GPR139: variants seen among roughly 807,000 people sequenced by gnomAD.
The protein encoded by GPR139 is probable G protein-coupled receptor 139.
GPR139 carries 12 observed loss-of-function variants against 25.8 expected under a neutral mutation model. That is an observed-to-expected ratio of 0.47 (90% confidence interval 0.30 to 0.75). The LOEUF (loss-of-function observed/expected upper bound fraction) is 0.75. GPR139 is among the 30% of genes least tolerant of loss of function. The pLI, the probability that GPR139 is intolerant of heterozygous loss-of-function variation, is 0.07. For synonymous variants in GPR139, 184 were observed against 179.9 expected (o/e 1.02, Z -0.18); for missense variants, 380 against 450.2 (o/e 0.84, Z 1.41).
intron 1 of GPR139, among the ~76,000 whole-genome samples, chr16:20,060,048 C>T (rs776300691): frequency 3.9e-5 from 6 of 152,166 alleles, no homozygotes; most frequent in Non-Finnish European, 8.8e-5. Context: ...ATGACTCCAA[C>T]CCTCTTGTGC....
chr16:20,050,096 TAGATACTCAG>T (rs1452362720), intron 1 of GPR139, among the ~76,000 whole-genome samples: 4 of 152,260 alleles, frequency 2.6e-5, no homozygotes, highest in Middle Eastern at 3.4e-3. Flanking sequence ...AGAAGCCAGA[TAGATACTCAG>T]AGAGAAGCTC....
chr16:20,069,677 G>A (rs1165359286), intron 1 of GPR139, among the ~76,000 whole-genome samples: 4 of 152,128 alleles, frequency 2.6e-5, no homozygotes, highest in African/African-American at 9.7e-5. Context: ...TTGTCTTTCT[G>A]CACATCCCCG....
At chr16:20,035,948 T>C (rs1342761365) in intron 1 of GPR139, among the ~76,000 whole-genome samples, 1 of 152,226 alleles carries the variant, frequency 6.6e-6, no homozygotes, top group African/African-American at 2.4e-5. Flanking sequence ...CAAAAAGTAT[T>C]TAGCATCTAC....
At chr16:20,067,705 G>A (rs1202187272) in intron 1 of GPR139, among the ~76,000 whole-genome samples, 1 of 151,326 alleles carries the variant, frequency 6.6e-6, no homozygotes, top group Non-Finnish European at 1.5e-5. Context: ...TTGGGAGGCT[G>A]AGGAAGAAGA....
At chr16:20,065,877 CA>C (rs11307746) in intron 1 of GPR139, among the ~76,000 whole-genome samples, 45,721 of 118,620 alleles carry the variant, frequency 0.39, 7,832 homozygotes, top group African/African-American at 0.5. Context: ...GAGACTATCT[CA>C]AAAAAAAAAA....
chr16:20,061,313 G>A (rs548727036), intron 1 of GPR139, among the ~76,000 whole-genome samples: 2 of 151,860 alleles, frequency 1.3e-5, no homozygotes, highest in South Asian at 4.2e-4. Context: ...ACATATGGAT[G>A]GATAGATGCG....
chr16:20,034,299 T>A (rs1187686392), intron 1 of GPR139, among the ~76,000 whole-genome samples: 6 of 152,182 alleles, frequency 3.9e-5, no homozygotes, highest in African/African-American at 1.4e-4. Flanking sequence ...TAAAAATTCT[T>A]ATAATAAACA....
intron 1 of GPR139, among the ~76,000 whole-genome samples, chr16:20,040,654 C>T (rs866966123): frequency 6.6e-6 from 1 of 152,142 alleles, no homozygotes; most frequent in Non-Finnish European, 1.5e-5. Flanking sequence ...ACTTTTCTTC[C>T]GTCTTTCCCT....
chr16:20,060,390 A>G (rs559239601), intron 1 of GPR139, among the ~76,000 whole-genome samples: 2 of 149,756 alleles, frequency 1.3e-5, no homozygotes, highest in African/African-American at 2.5e-5. Context: ...GTGTGTCTAT[A>G]TGTGTGTGTG....
At position 20,073,883 on chromosome 16, in the gene GPR139, C is replaced by G. The variant is rs1478599900; in HGVS notation, c.-267G>C. 1 of 406,784 alleles carries G rather than the reference C, an allele frequency of 2.5e-6. No individual in the cohort carries two copies. The highest frequency in any genetic ancestry group is 4.9e-5 in the Admixed American group (1 of 20,558). The allele number at this position is 406,784 out of a possible 1,614,324, so 25.2% of individuals were successfully genotyped here. ...GGGCCTCGGGAGGGGCTCCCGGAGC[C>G]CGTCTGTGCGCCTCCCACCTCGGAC... On this transcript the variant is annotated 5_prime_UTR_variant, in exon 1 of 2. Transcript: ENST00000570682. The surrounding 1 kb of genome is among the most constrained non-coding windows in gnomAD (Gnocchi z 4.7).
rs558393596 is a variant in GPR139 at position 20,057,511 on chromosome 16, TC to T, written c.127+15978del. On this transcript the variant is annotated intron_variant, in intron 1 of 1. Coordinates refer to ENST00000570682, the MANE Select transcript of GPR139 (RefSeq NM_001002911.4). The stretch of plus-strand genomic sequence containing the variant: ...GGTAGTCATCTATCCATCTATACCA[TC>T]CATCCATCCATCCATCCATCCGTCC... Among the ~76,000 whole-genome samples, 299 of 151,498 alleles carry T rather than the reference TC, an allele frequency of 2.0e-3. 3 individuals are homozygous for T. Among genetic ancestry groups the T allele is most frequent in the African/African-American group, 7.0e-3 (287 of 41,192 alleles).
At chr16:20,041,387 C>A (rs1003378231) in intron 1 of GPR139, among the ~76,000 whole-genome samples, 3 of 151,522 alleles carry the variant, frequency 2.0e-5, no homozygotes, top group African/African-American at 7.3e-5. Flanking sequence ...CTGGGAGGTG[C>A]TCCAAGGATG....
At chr16:20,041,123 AAGGAAAGGAGAGGAG>A in intron 1 of GPR139, among the ~76,000 whole-genome samples, 1 of 14,336 alleles carries the variant, frequency 7.0e-5, no homozygotes, top group Non-Finnish European at 2.3e-4. Context: ...AAGGAAAGGA[AAGGAAAGGAGAGGAG>A]AGGAGAGGAG....
intron 1 of GPR139, among the ~76,000 whole-genome samples, chr16:20,063,830 A>G (rs947568522): frequency 3.3e-5 from 5 of 152,188 alleles, no homozygotes; most frequent in African/African-American, 1.2e-4. Context: ...AGACTCTGCT[A>G]TTCTGTATTA....
chr16:20,037,541 T>C (rs2057314446), intron 1 of GPR139, among the ~76,000 whole-genome samples: 1 of 151,954 alleles, frequency 6.6e-6, no homozygotes, highest in Admixed American at 6.6e-5. Flanking sequence ...GGCAGTGGGA[T>C]TGGCAAGTGC....
intron 1 of GPR139, among the ~76,000 whole-genome samples, chr16:20,060,239 GGTGT>G (rs139651154): frequency 4.0e-5 from 6 of 150,642 alleles, no homozygotes; most frequent in Non-Finnish European, 7.4e-5. Flanking sequence ...TTGGCTGCAG[GGTGT>G]GTGTGTGTGT....
Position 20,032,395 on chromosome 16 carries a change from G to C in GPR139, c.402C>G (p.Leu134=), listed in dbSNP as rs1165448572. The C allele has an allele frequency of 6.8e-6, 11 of 1,614,110 alleles. No individual in the cohort carries two copies. The highest frequency in any genetic ancestry group is 1.3e-5 in the African/African-American group (1 of 74,924). The change falls in exon 2 of 2, where the codon CTC becomes CTG. Residue 134 remains leucine, a synonymous_variant. Coordinates refer to ENST00000570682, the MANE Select transcript of GPR139 (RefSeq NM_001002911.4). ...IDRYIAVCHP[L]KYHTVSYPAR... ...CTGGGTATGAGACCGTGTGGTACTT[G>C]AGCGGGTGGCAGACAGCGATATACC...
intron 1 of GPR139, among the ~76,000 whole-genome samples, chr16:20,068,383 A>G (rs2057444660): frequency 6.6e-6 from 1 of 152,238 alleles, no homozygotes; most frequent in Admixed American, 6.5e-5. Context: ...TCTATTTTTT[A>G]AAATTTCCAG....
chr16:20,056,233 C>T (rs2057388069), intron 1 of GPR139, among the ~76,000 whole-genome samples: 1 of 152,182 alleles, frequency 6.6e-6, no homozygotes, highest in South Asian at 2.1e-4. Context: ...CATTTTTGTT[C>T]CATGGTATGC....
Sources: gnomAD v4.1 joint callset for allele counts (sites outside exome capture counted in the v4.1 genomes callset) on GRCh38, gnomAD v4.1.1 for gene constraint, Gnocchi (gnomAD v3.1) non-coding constraint, MANE v1.5 for transcripts, NCBI Gene and HGNC (gene_info 2026-07-23, HGNC 2026-07-21) for gene names.